The following CEP85L variants were observed in gnomAD, a reference collection of about 807,000 sequenced individuals.
CEP85L encodes centrosomal protein 85L, also known as centrosomal protein of 85 kDa-like.
In CEP85L, 60 loss-of-function variants were observed where a neutral mutation model predicts 100.3. That is an observed-to-expected ratio of 0.60 (90% CI 0.49 to 0.74). The LOEUF (loss-of-function observed/expected upper bound fraction) is 0.74. CEP85L is among the 30% of genes least tolerant of loss of function. The pLI, the probability that CEP85L is intolerant of heterozygous loss-of-function variation, is 0.00. For synonymous variants in CEP85L, 319 were observed against 322.7 expected (o/e 0.99, Z 0.12); for missense variants, 973 against 936.2 (o/e 1.04, Z -0.51).
At chr6:118,493,754 T>A (rs1280086503) in intron 5 of CEP85L, among the ~76,000 whole-genome samples, 2 of 152,140 alleles carry the variant, frequency 1.3e-5, no homozygotes, top group Non-Finnish European at 2.9e-5. Context: ...AACAGTAGGT[T>A]ATATAGAAAA....
At chr6:118,565,281 C>T in intron 3 of CEP85L, 8 of 484,340 alleles carry the variant, frequency 1.7e-5, no homozygotes, top group East Asian at 7.1e-5. Flanking sequence ...ATTTTTATGC[C>T]CATTTAACAA....
intron 10 of CEP85L, among the ~76,000 whole-genome samples, chr6:118,474,573 G>C (rs1382663903): frequency 6.6e-6 from 1 of 152,148 alleles, no homozygotes; most frequent in Admixed American, 6.5e-5. Flanking sequence ...CTGGTTCTAC[G>C]CTGGGAGAGG....
intron 5 of CEP85L, among the ~76,000 whole-genome samples, chr6:118,507,407 C>A (rs2114698458): frequency 6.6e-6 from 1 of 152,276 alleles, no homozygotes; most frequent in Middle Eastern, 3.4e-3. Context: ...GGTTTCCCTG[C>A]CTCCAATAAC....
chr6:118,573,284 C>A (rs1278565006), intron 2 of CEP85L, among the ~76,000 whole-genome samples: 2 of 152,134 alleles, frequency 1.3e-5, no homozygotes, highest in African/African-American at 4.8e-5. Flanking sequence ...CTAATATCTT[C>A]AAAGGGTTGG....
At chr6:118,484,081 G>A (rs1218072127) in intron 6 of CEP85L, among the ~76,000 whole-genome samples, 1 of 152,112 alleles carries the variant, frequency 6.6e-6, no homozygotes, top group East Asian at 1.9e-4. Flanking sequence ...AGACTGAGAT[G>A]GGCTGATCAT....
intron 2 of CEP85L, among the ~76,000 whole-genome samples, chr6:118,591,487 C>A (rs1781187170): frequency 6.6e-6 from 1 of 152,176 alleles, no homozygotes; most frequent in Admixed American, 6.5e-5. Context: ...TCTGACAGGT[C>A]ACTTTCCACA....
At chr6:118,488,255 A>T (rs1279160345) in intron 6 of CEP85L, among the ~76,000 whole-genome samples, 1 of 152,116 alleles carries the variant, frequency 6.6e-6, no homozygotes, top group East Asian at 1.9e-4. Context: ...GATTTGCCTG[A>T]AAGAGAATTC....
upstream of CEP85L, among the ~76,000 whole-genome samples, chr6:118,653,116 A>G (rs1583230143): frequency 6.6e-6 from 1 of 152,226 alleles, no homozygotes; most frequent in African/African-American, 2.4e-5. Flanking sequence ...AAAACTGCCA[A>G]TTTCCTAATT....
intron 4 of CEP85L, among the ~76,000 whole-genome samples, chr6:118,514,553 T>G (rs947356691): frequency 3.9e-5 from 5 of 129,818 alleles, no homozygotes; most frequent in Middle Eastern, 4.4e-3. Context: ...AGAAAACAAA[T>G]ACCAATATAG....
intron 3 of CEP85L, among the ~76,000 whole-genome samples, chr6:118,544,733 G>C (rs1431914350): frequency 6.6e-6 from 1 of 152,106 alleles, no homozygotes; most frequent in African/African-American, 2.4e-5. Flanking sequence ...GGCAAATCAA[G>C]TGAAAAGTGA....
At chr6:118,591,001 C>A (rs1412164766) in intron 2 of CEP85L, among the ~76,000 whole-genome samples, 3 of 152,138 alleles carry the variant, frequency 2.0e-5, no homozygotes, top group Non-Finnish European at 4.4e-5. Context: ...GGGTTCTTCA[C>A]ACATCTCTAA....
Position 118,481,901 on chromosome 6 carries a change from T to A in CEP85L, c.1623A>T (p.Leu541Phe). 6.4e-7 allele frequency: 1 copy of A among 1,572,790 alleles called. No homozygotes were observed. The highest frequency in any genetic ancestry group is 1.4e-5 in the African/African-American group (1 of 72,892). Reference sequence around the variant, plus strand: ...TTTCTGTATCTATCAAAGCCTCTTGTAAATTCTTATTTTTTTCTTCCAGAA... The same window carrying A: ...TTTCTGTATCTATCAAAGCCTCTTGAAAATTCTTATTTTTTTCTTCCAGAA... ...LQILEEKNKNLQEALIDTEKK... is the reference protein window; with the variant it reads ...LQILEEKNKNFQEALIDTEKK... The change falls in exon 8 of 13, where the codon TTA becomes TTT. Residue 541 changes from leucine (L) to phenylalanine (F), a missense_variant. This residue lies in a region of CEP85L where 890 missense variants were observed against 844.5 expected (regional missense o/e 1.05). Coordinates refer to ENST00000368491, the MANE Select transcript of CEP85L (RefSeq NM_001042475.3).
chr6:118,461,918 C>T lies in CEP85L; in HGVS notation c.*3487G>A, dbSNP rs1007289367. ...AAACTAAAGGTGTGCCTAAGCTGAA[C>T]TATGCTGTGAAAATATAGTCCATGT... On this transcript the variant is annotated 3_prime_UTR_variant, in exon 13 of 13. Coordinates refer to ENST00000368491, the MANE Select transcript of CEP85L (RefSeq NM_001042475.3). 1 of 152,018 alleles carries T rather than the reference C, an allele frequency of 6.6e-6. No individual in the cohort carries two copies. The highest frequency in any genetic ancestry group is 1.5e-5 in the Non-Finnish European group (1 of 67,914). 9.4% of individuals were successfully genotyped at this position (152,018 alleles called of 1,614,324 possible).
intron 2 of CEP85L, among the ~76,000 whole-genome samples, chr6:118,593,532 C>T (rs995069281): frequency 6.6e-6 from 1 of 151,922 alleles, no homozygotes; most frequent in African/African-American, 2.4e-5. Context: ...AAGTCTATCA[C>T]GAGAACCGCA....
intron 3 of CEP85L, among the ~76,000 whole-genome samples, chr6:118,564,437 A>T (rs555252460): frequency 6.6e-6 from 1 of 152,346 alleles, no homozygotes; most frequent in East Asian, 1.9e-4. Flanking sequence ...GATAAATCAC[A>T]AATTTCTAAT....
At chr6:118,507,444 T>C (rs1011597106) in intron 5 of CEP85L, among the ~76,000 whole-genome samples, 4 of 152,202 alleles carry the variant, frequency 2.6e-5, no homozygotes, top group African/African-American at 7.2e-5. Context: ...ATCTCTATTA[T>C]GCCATCAGAG....
intron 1 of CEP85L, among the ~76,000 whole-genome samples, chr6:118,680,261 C>G (rs1236906796): frequency 7.0e-6 from 1 of 143,518 alleles, no homozygotes; most frequent in African/African-American, 2.5e-5. Flanking sequence ...CCACTACACT[C>G]CAGCCTGGGG....
At chr6:118,569,868 A>G (rs971697029) in intron 2 of CEP85L, among the ~76,000 whole-genome samples, 4 of 152,136 alleles carry the variant, frequency 2.6e-5, no homozygotes, top group African/African-American at 9.7e-5. Flanking sequence ...TAGAGAATAT[A>G]TATTTTTTAA....
At chr6:118,490,847 T>G (rs1377386199) in intron 6 of CEP85L, among the ~76,000 whole-genome samples, 1 of 152,200 alleles carries the variant, frequency 6.6e-6, no homozygotes, top group African/African-American at 2.4e-5. Flanking sequence ...TTCATTAATA[T>G]GAAGTCCATG....
Sources: gnomAD v4.1 joint callset for allele counts (sites outside exome capture counted in the v4.1 genomes callset) on GRCh38, gnomAD v4.1.1 for gene constraint, gnomAD v4.1.1 regional missense constraint, MANE v1.5 for transcripts, NCBI Gene and HGNC (gene_info 2026-07-23, HGNC 2026-07-21) for gene names.